EXOC4: variants seen among roughly 807,000 people sequenced by gnomAD.
The protein encoded by EXOC4 is SEC8-like 1.
Under a neutral mutation model 107.2 loss-of-function variants are expected in EXOC4, and 71 were observed. The observed-to-expected ratio is 0.66, with a 90% CI of 0.55 to 0.81. The LOEUF (loss-of-function observed/expected upper bound fraction) is 0.81, where lower values mean the gene tolerates loss of function less well. Among genes scored for constraint, EXOC4 ranks in the 30% least tolerant of loss-of-function variants. The pLI is 0.00. For missense variants in EXOC4, 1,108 were observed against 1,189.6 expected (o/e 0.93, Z 1.01); for synonymous variants, 456 against 441.2 (o/e 1.03, Z -0.42).
intron 14 of EXOC4, among the ~76,000 whole-genome samples, chr7:133,979,042 A>G (rs745629748): frequency 6.6e-6 from 1 of 152,172 alleles, no homozygotes; most frequent in African/African-American, 2.4e-5. Flanking sequence ...AAGCAGATAA[A>G]ATAACAAGTC....
intron 7 of EXOC4, among the ~76,000 whole-genome samples, chr7:133,391,038 G>A (rs906108765): frequency 2.0e-5 from 3 of 152,102 alleles, no homozygotes; most frequent in Non-Finnish European, 4.4e-5. Flanking sequence ...GCTCTCAAAG[G>A]TGCAGATTAT....
chr7:133,787,948 C>CATATATTTATATATTT (rs1303023968), intron 10 of EXOC4, among the ~76,000 whole-genome samples: 1 of 22,200 alleles, frequency 4.5e-5, no homozygotes, highest in Non-Finnish European at 1.1e-4. Flanking sequence ...CTTCCCTGTG[C>CATATATTTATATATTT]ATATATTTAT....
chr7:133,765,946 A>G (rs578060177), intron 10 of EXOC4, among the ~76,000 whole-genome samples: 1 of 151,950 alleles, frequency 6.6e-6, no homozygotes, highest in Non-Finnish European at 1.5e-5. Context: ...TAAAAATATG[A>G]CTTTGTCCCT....
intron 9 of EXOC4, 60 bp from the exon 10 acceptor site, chr7:133,629,985 G>A (rs1802550914): frequency 8.0e-7 from 1 of 1,256,878 alleles, no homozygotes; most frequent in East Asian, 2.3e-5. Flanking sequence ...GATATGCTTG[G>A]TTTGTTTATT....
At chr7:133,777,673 A>T (rs1357687534) in intron 10 of EXOC4, among the ~76,000 whole-genome samples, 2 of 152,200 alleles carry the variant, frequency 1.3e-5, no homozygotes, top group African/African-American at 4.8e-5. Flanking sequence ...ATCTGGGTTC[A>T]AATTCTGACC....
chr7:133,781,403 A>G (rs1796463131), intron 10 of EXOC4, among the ~76,000 whole-genome samples: 1 of 152,252 alleles, frequency 6.6e-6, no homozygotes, highest in Non-Finnish European at 1.5e-5. Context: ...TGCCATTAAA[A>G]GAACAGTGGG....
At chr7:133,613,125 A>G (rs925346524) in intron 9 of EXOC4, among the ~76,000 whole-genome samples, 1 of 152,190 alleles carries the variant, frequency 6.6e-6, no homozygotes, top group Non-Finnish European at 1.5e-5. Context: ...TGCACAAACT[A>G]TATATTGATA....
chr7:133,636,314 G>T (rs1802709828), intron 10 of EXOC4, among the ~76,000 whole-genome samples: 1 of 152,174 alleles, frequency 6.6e-6, no homozygotes, highest in Admixed American at 6.5e-5. Flanking sequence ...AAATGAGTTG[G>T]TTGGTTTGGA....
intron 10 of EXOC4, among the ~76,000 whole-genome samples, chr7:133,751,154 G>T (rs1302372782): frequency 6.6e-6 from 1 of 152,174 alleles, no homozygotes; most frequent in Non-Finnish European, 1.5e-5. Context: ...TTAATTGCTT[G>T]CATAAAGTTG....
At chr7:133,976,055 A>C (rs1376841464) in intron 14 of EXOC4, among the ~76,000 whole-genome samples, 2 of 152,196 alleles carry the variant, frequency 1.3e-5, no homozygotes, top group East Asian at 3.9e-4. Context: ...GAGTGCATAT[A>C]GCAAGCACAC....
At chr7:133,742,268 A>G (rs752228077) in intron 10 of EXOC4, among the ~76,000 whole-genome samples, 1 of 152,122 alleles carries the variant, frequency 6.6e-6, no homozygotes, top group Admixed American at 6.5e-5. Flanking sequence ...AGCCCTTGAG[A>G]AAGTCCCGTT....
chr7:133,459,915 T>C (rs1798550352), intron 7 of EXOC4, among the ~76,000 whole-genome samples: 1 of 152,206 alleles, frequency 6.6e-6, no homozygotes. Flanking sequence ...TGAGTATATA[T>C]TGCTTTTAAA....
At chr7:133,348,604 C>T (rs1452754578) in intron 5 of EXOC4, among the ~76,000 whole-genome samples, 1 of 152,096 alleles carries the variant, frequency 6.6e-6, no homozygotes, top group African/African-American at 2.4e-5. Flanking sequence ...CTTTTTGGTC[C>T]TACCTGAAGC....
intron 1 of EXOC4, among the ~76,000 whole-genome samples, chr7:133,261,001 A>G (rs1795138843): frequency 6.6e-6 from 1 of 152,104 alleles, no homozygotes; most frequent in Non-Finnish European, 1.5e-5. Context: ...ATCTCTTGCT[A>G]ATCCTATCTA....
At chr7:133,794,842 G>A (rs1469053029) in intron 10 of EXOC4, among the ~76,000 whole-genome samples, 3 of 151,604 alleles carry the variant, frequency 2.0e-5, no homozygotes, top group Non-Finnish European at 2.9e-5. Context: ...TGCACAAAGT[G>A]CAGGTTTGTT....
At chr7:133,481,025 G>A (rs529745563) in intron 9 of EXOC4, 2 of 149,486 alleles carry the variant, frequency 1.3e-5, no homozygotes, top group South Asian at 2.2e-4. Context: ...ACTTCAGCCT[G>A]TGTGACAAAG....
intron 17 of EXOC4, among the ~76,000 whole-genome samples, chr7:134,013,080 G>A (rs146665445): frequency 6.6e-6 from 1 of 152,280 alleles, no homozygotes; most frequent in East Asian, 1.9e-4. Context: ...TTGGGAATAA[G>A]TTCCTCACTC....
At chr7:133,278,017 T>G (rs1197506151) in intron 2 of EXOC4, among the ~76,000 whole-genome samples, 1 of 152,040 alleles carries the variant, frequency 6.6e-6, no homozygotes, top group Non-Finnish European at 1.5e-5. Context: ...TAGATCTGAG[T>G]TGAAATTTTC....
At chr7:133,933,596 A>G (rs1207055187) in intron 13 of EXOC4, among the ~76,000 whole-genome samples, 1 of 152,220 alleles carries the variant, frequency 6.6e-6, no homozygotes, top group Non-Finnish European at 1.5e-5. Flanking sequence ...CAGAAGATGA[A>G]GGGTACATAA....
Sources: gnomAD v4.1 joint callset for allele counts (sites outside exome capture counted in the v4.1 genomes callset) on GRCh38, gnomAD v4.1.1 for gene constraint, MANE v1.5 for transcripts, NCBI Gene and HGNC (gene_info 2026-07-23, HGNC 2026-07-21) for gene names.